The following HDAC9 variants were observed in gnomAD, a reference collection of about 807,000 sequenced individuals.
HDAC9 encodes MEF-2 interacting transcription repressor (MITR) protein.
Under a neutral mutation model 139.4 loss-of-function variants are expected in HDAC9, and 41 were observed. That is an observed-to-expected ratio of 0.29 (90% confidence interval 0.23 to 0.38). The LOEUF (loss-of-function observed/expected upper bound fraction) is 0.38, where lower values mean the gene tolerates loss of function less well. Among genes scored for constraint, HDAC9 ranks in the 10% least tolerant of loss-of-function variants. HDAC9 has a pLI of 1.00. For missense variants in HDAC9, 1,147 were observed against 1,297.0 expected, an observed-to-expected ratio of 0.88 and a Z score of 1.78; for synonymous variants, 517 against 476.2, an observed-to-expected ratio of 1.09 and a Z score of -1.12.
chr7:18,104,990 A>G (rs1584066677), intron 1 of HDAC9, among the ~76,000 whole-genome samples: 1 of 151,934 alleles, frequency 6.6e-6, no homozygotes, highest in South Asian at 2.1e-4. Flanking sequence ...CTTCCTTGCA[A>G]TAGAATTCTA....
At chr7:18,281,953 A>G (rs1196021351) in intron 2 of HDAC9, among the ~76,000 whole-genome samples, 1 of 152,188 alleles carries the variant, frequency 6.6e-6, no homozygotes, top group African/African-American at 2.4e-5. Context: ...CTGTTGAACA[A>G]TTGTTTGCCT....
intron 2 of HDAC9, among the ~76,000 whole-genome samples, chr7:18,268,171 A>G (rs1796116118): frequency 6.6e-6 from 1 of 152,148 alleles, no homozygotes; most frequent in Non-Finnish European, 1.5e-5. Flanking sequence ...AATCAAAGAG[A>G]AATGTAGAAA....
At chr7:18,275,118 A>T (rs1584958715) in intron 2 of HDAC9, among the ~76,000 whole-genome samples, 2 of 152,194 alleles carry the variant, frequency 1.3e-5, no homozygotes, top group African/African-American at 4.8e-5. Context: ...CTCTACACAC[A>T]GTGTTTCCCA....
chr7:18,377,695 G>A (rs1041578131), intron 1 of HDAC9, among the ~76,000 whole-genome samples: 9 of 152,062 alleles, frequency 5.9e-5, no homozygotes, highest in Admixed American at 4.6e-4. Flanking sequence ...TAAATTGGGT[G>A]GACTATGGAT....
At chr7:18,285,958 T>A (rs1797422186), upstream of HDAC9, among the ~76,000 whole-genome samples, 1 of 152,126 alleles carries the variant, frequency 6.6e-6, no homozygotes, top group Non-Finnish European at 1.5e-5. Flanking sequence ...ATTTTCTTTT[T>A]ATGCTGGGCA....
chr7:18,437,580 A>G (rs1446704139), intron 1 of HDAC9, among the ~76,000 whole-genome samples: 1 of 149,742 alleles, frequency 6.7e-6, no homozygotes, highest in Non-Finnish European at 1.5e-5. Flanking sequence ...GAAAGTTTAT[A>G]TATATATATA....
chr7:18,474,008 T>C (rs957427704), intron 1 of HDAC9, among the ~76,000 whole-genome samples: 1 of 152,230 alleles, frequency 6.6e-6, no homozygotes, highest in Non-Finnish European at 1.5e-5. Context: ...ACTTTTCAGC[T>C]TCTTATCTAT....
intron 24 of HDAC9, among the ~76,000 whole-genome samples, chr7:18,955,358 C>G (rs1042848013): frequency 2.1e-4 from 32 of 152,058 alleles, no homozygotes; most frequent in African/African-American, 7.7e-4. Flanking sequence ...GATTTCAAAG[C>G]AAGGAATCTT....
chr7:18,113,775 G>T (rs1413615481), intron 1 of HDAC9, among the ~76,000 whole-genome samples: 1 of 152,124 alleles, frequency 6.6e-6, no homozygotes, highest in Non-Finnish European at 1.5e-5. Flanking sequence ...ATTTCTCTCA[G>T]TTGAAACATA....
chr7:18,971,109 C>T (rs1784215616), intron 24 of HDAC9, among the ~76,000 whole-genome samples: 1 of 152,160 alleles, frequency 6.6e-6, no homozygotes, highest in South Asian at 2.1e-4. Flanking sequence ...TGGCCCTCAC[C>T]TCTAACTCTT....
At chr7:18,926,198 A>G (rs1804213378) in intron 22 of HDAC9, among the ~76,000 whole-genome samples, 1 of 152,134 alleles carries the variant, frequency 6.6e-6, no homozygotes, top group African/African-American at 2.4e-5. Flanking sequence ...AAAAAATTGA[A>G]AAATTAGTAG....
At chr7:18,613,237 T>A (rs1223112148) in intron 6 of HDAC9, among the ~76,000 whole-genome samples, 6 of 151,890 alleles carry the variant, frequency 4.0e-5, no homozygotes, top group Non-Finnish European at 7.4e-5. Flanking sequence ...GTCATTTTTT[T>A]AAGAGTTTCA....
chr7:18,352,125 G>C (rs1299850501), intron 1 of HDAC9, among the ~76,000 whole-genome samples: 3 of 152,170 alleles, frequency 2.0e-5, no homozygotes, highest in African/African-American at 7.2e-5. Flanking sequence ...TTCTGTTTCT[G>C]AACTGTTCTT....
At chr7:18,762,412 T>G (rs1292806352) in intron 15 of HDAC9, 135 bp downstream of exon 15, 1 of 865,524 alleles carries the variant, frequency 1.2e-6, no homozygotes. Context: ...CTCTGTGGAG[T>G]GAGTCATTTG....
intron 1 of HDAC9, among the ~76,000 whole-genome samples, chr7:18,409,491 T>C (rs1448383155): frequency 6.6e-6 from 1 of 152,166 alleles, no homozygotes; most frequent in African/African-American, 2.4e-5. Flanking sequence ...TAGTGCCTCT[T>C]TGAGACTGAG....
At chr7:18,819,402 A>C (rs986214870) in intron 17 of HDAC9, among the ~76,000 whole-genome samples, 5 of 152,250 alleles carry the variant, frequency 3.3e-5, no homozygotes, top group African/African-American at 1.2e-4. Flanking sequence ...TATGTATATA[A>C]GGAACACAAA....
At chr7:18,353,985 C>T (rs921065293) in intron 1 of HDAC9, among the ~76,000 whole-genome samples, 15 of 151,990 alleles carry the variant, frequency 9.9e-5, no homozygotes, top group African/African-American at 3.6e-4. Context: ...AGTGTATGCA[C>T]ATTCTAAGCC....
chr7:18,956,870 G>T (rs1783190109), intron 24 of HDAC9, among the ~76,000 whole-genome samples: 2 of 152,102 alleles, frequency 1.3e-5, no homozygotes, highest in Admixed American at 1.3e-4. Flanking sequence ...TGGTCACATA[G>T]GTCCTACACA....
intron 22 of HDAC9, among the ~76,000 whole-genome samples, chr7:18,904,293 A>C (rs1237591822): frequency 6.6e-6 from 1 of 152,192 alleles, no homozygotes; most frequent in Non-Finnish European, 1.5e-5. Flanking sequence ...TTATAAAAGG[A>C]GGATTTAAAA....
Sources: allele counts gnomAD v4.1 joint callset (sites outside exome capture counted in the v4.1 genomes callset), GRCh38; gene constraint gnomAD v4.1.1; transcripts MANE v1.5; gene names NCBI Gene and HGNC (gene_info 2026-07-23, HGNC 2026-07-21).